The following MGMT variants were observed in gnomAD, a reference collection of about 807,000 sequenced individuals.
The protein encoded by MGMT is methylated-DNA--protein-cysteine methyltransferase.
MGMT carries 14 observed loss-of-function variants against 15.9 expected under a neutral mutation model. The observed-to-expected ratio is 0.88, with a 90% CI of 0.58 to 1.37. The LOEUF (loss-of-function observed/expected upper bound fraction) is 1.37, where lower values mean the gene tolerates loss of function less well. Ranked by LOEUF, MGMT falls within the 40% of genes most tolerant of loss-of-function variation. The pLI is 0.00. For missense variants in MGMT, 282 were observed against 268.1 expected, an observed-to-expected ratio of 1.05 and a Z score of -0.36; for synonymous variants, 130 against 118.2, an observed-to-expected ratio of 1.10 and a Z score of -0.65.
At chr10:129,726,662 A>G (rs1321530798) in intron 3 of MGMT, among the ~76,000 whole-genome samples, 1 of 152,210 alleles carries the variant, frequency 6.6e-6, no homozygotes, top group Admixed American at 6.5e-5. Flanking sequence ...GAAACTTGAT[A>G]TTGTAAATTT....
At chr10:129,691,548 T>G (rs1205256447) in intron 2 of MGMT, among the ~76,000 whole-genome samples, 1 of 152,114 alleles carries the variant, frequency 6.6e-6, no homozygotes, top group Non-Finnish European at 1.5e-5. Flanking sequence ...GCTGTGGGTT[T>G]CAAATAACAT....
chr10:129,686,783 A>T (rs1202987358), intron 2 of MGMT, among the ~76,000 whole-genome samples: 1 of 152,196 alleles, frequency 6.6e-6, no homozygotes, highest in Non-Finnish European at 1.5e-5. Flanking sequence ...CAGAATACAG[A>T]AGTCATGAGT....
chr10:129,760,746 C>T (rs1211047284), intron 4 of MGMT, among the ~76,000 whole-genome samples: 1 of 152,086 alleles, frequency 6.6e-6, no homozygotes, highest in African/African-American at 2.4e-5. Flanking sequence ...CTAATCTAGG[C>T]GAGCTTTCTA....
intron 1 of MGMT, among the ~76,000 whole-genome samples, chr10:129,514,496 A>G (rs923554410): frequency 1.3e-5 from 2 of 152,222 alleles, no homozygotes; most frequent in Non-Finnish European, 2.9e-5. Context: ...ATTAAACATT[A>G]TATTTTCATT....
In MGMT at chr10:129,723,542, G is replaced by C. The variant is rs188141356; in HGVS notation, c.274+15499G>C. ...AACACCAAAATAAAAAACAATGAAA[G>C]AAATTATTAATAAATTAAACTTTAT... is the stretch of plus-strand genomic sequence containing the variant. On this transcript the variant is annotated intron_variant, in intron 3 of 4. Transcript: ENST00000651593. Among the ~76,000 whole-genome samples, 17 of 152,128 alleles carry C rather than the reference G, an allele frequency of 1.1e-4. No homozygotes were observed. The East Asian group carries it at 3.3e-3, about 29-fold the overall frequency.
intron 3 of MGMT, among the ~76,000 whole-genome samples, chr10:129,718,539 C>T (rs1027333558): frequency 1.2e-4 from 18 of 152,130 alleles, no homozygotes; most frequent in Non-Finnish European, 2.9e-5. Flanking sequence ...GCAGCTGTGG[C>T]TCTCAGTCAC....
At chr10:129,546,436 G>A (rs1846099101) in intron 2 of MGMT, among the ~76,000 whole-genome samples, 2 of 152,228 alleles carry the variant, frequency 1.3e-5, no homozygotes, top group South Asian at 4.1e-4. Context: ...GTAGCAGAAG[G>A]AGGCAGTTAA....
chr10:129,637,040 T>C (rs144640669), intron 2 of MGMT, among the ~76,000 whole-genome samples: 33 of 152,220 alleles, frequency 2.2e-4, no homozygotes, highest in Non-Finnish European at 4.6e-4. Context: ...TTCTCACATA[T>C]TTTACATTTT....
At chr10:129,605,009 T>C (rs1161822367) in intron 2 of MGMT, among the ~76,000 whole-genome samples, 1 of 152,212 alleles carries the variant, frequency 6.6e-6, no homozygotes, top group Admixed American at 6.5e-5. Context: ...GTCTGCCTTC[T>C]GAGATTTCTT....
chr10:129,574,480 G>C (rs1589874174), intron 2 of MGMT, among the ~76,000 whole-genome samples: 1 of 152,334 alleles, frequency 6.6e-6, no homozygotes, highest in South Asian at 2.1e-4. Context: ...TTGCATATAT[G>C]ACTGAGTATC....
chr10:129,471,951 T>C (rs1711666), intron 1 of MGMT, among the ~76,000 whole-genome samples: 147,938 of 152,326 alleles, frequency 0.97, 71,988 homozygotes, highest in East Asian at 1. Context: ...AACATGTTAT[T>C]ATTGCTTTTG....
rs938741196 is a variant in MGMT at position 129,532,124 on chromosome 10, T to A, written c.-12-4117T>A. Among the ~76,000 whole-genome samples the A allele has an allele frequency of 3.9e-5, 6 of 152,234 alleles. No homozygotes were observed. Among genetic ancestry groups the A allele is most frequent in the Non-Finnish European group, 7.3e-5 (5 of 68,036 alleles). On this transcript the variant is annotated intron_variant, in intron 1 of 4. Transcript: ENST00000651593. This position sits in a 1 kb window ranked among gnomAD's most constrained non-coding sequence, Gnocchi z 5.3. The stretch of plus-strand genomic sequence containing the variant: ...TGTTCCCATGGCTTCAGGCCACCTT[T>A]GCTGGTCAGGGGAGCTGGTTCAGAG...
intron 2 of MGMT, among the ~76,000 whole-genome samples, chr10:129,695,194 C>G (rs1320443986): frequency 6.6e-6 from 1 of 152,172 alleles, no homozygotes; most frequent in Non-Finnish European, 1.5e-5. Context: ...CTCAACTCTG[C>G]TAACCAGCTA....
At chr10:129,738,096 C>G (rs1250101414) in intron 3 of MGMT, among the ~76,000 whole-genome samples, 2 of 152,224 alleles carry the variant, frequency 1.3e-5, no homozygotes, top group Non-Finnish European at 2.9e-5. Context: ...TTCGAGCTTC[C>G]CGGCTGCGTT....
chr10:129,598,135 A>G (rs58336838), intron 2 of MGMT, among the ~76,000 whole-genome samples: 5,561 of 152,242 alleles, frequency 0.037, 265 homozygotes, highest in African/African-American at 0.11. Context: ...CCAGCAAGGA[A>G]GATGAGGACC....
At chr10:129,507,014 G>A (rs1845632496) in intron 1 of MGMT, among the ~76,000 whole-genome samples, 1 of 152,198 alleles carries the variant, frequency 6.6e-6, no homozygotes, top group Admixed American at 6.5e-5. Flanking sequence ...CAGGTTACTT[G>A]AGATCCCCAA....
rs573075151 is a variant in MGMT, at chr10:129,678,391, G to A, written c.126-29504G>A. Among the ~76,000 whole-genome samples, 9 of 151,946 alleles carry A rather than the reference G, an allele frequency of 5.9e-5. No individual in the cohort carries two copies. In the South Asian group the frequency reaches 6.3e-4, roughly 11 times the overall value. ...CTTCTCTGAGCAGGAACAAGTGCCC[G>A]ATGCTGTTGCTGGTGCAGATTGGAG... On this transcript the variant is annotated intron_variant, in intron 2 of 4. Transcript: ENST00000651593.
chr10:129,497,502 C>T (rs972012449), intron 1 of MGMT, among the ~76,000 whole-genome samples: 1 of 152,190 alleles, frequency 6.6e-6, no homozygotes, highest in Non-Finnish European at 1.5e-5. Flanking sequence ...AAATTTTAGA[C>T]TTGCTGAAAA....
At position 129,614,583 on chromosome 10, in the gene MGMT, G is replaced by A. The variant is rs147798146; in HGVS notation, c.125+78206G>A. ...TTTGGCAGCCGTTTCAAGCTGCTCC[G>A]TCTTGTCATTTTAGAGTTCAATATC... is the stretch of plus-strand genomic sequence containing the variant. On this transcript the variant is annotated intron_variant, in intron 2 of 4. Transcript: ENST00000651593. Among the ~76,000 whole-genome samples the A allele has an allele frequency of 5.9e-3, 893 of 152,334 alleles. 3 individuals carry two copies. Among genetic ancestry groups the A allele is most frequent in the Non-Finnish European group, 8.7e-3 (593 of 68,032 alleles).
Sources: gnomAD v4.1 joint callset for allele counts (sites outside exome capture counted in the v4.1 genomes callset) on GRCh38, gnomAD v4.1.1 for gene constraint, Gnocchi (gnomAD v3.1) non-coding constraint, MANE v1.5 for transcripts, NCBI Gene and HGNC (gene_info 2026-07-23, HGNC 2026-07-21) for gene names.